Variants in ATP1A1 observed in about 807,000 individuals in gnomAD.
ATP1A1 encodes the protein sodium/potassium-transporting ATPase subunit alpha-1.
ATP1A1 carries 14 observed loss-of-function variants against 114.8 expected under a neutral mutation model. The observed-to-expected ratio is 0.12, with a 90% CI of 0.08 to 0.19. The LOEUF is 0.19. Ranked by LOEUF, ATP1A1 falls within the 10% of genes least tolerant of loss-of-function variation. ATP1A1 has a pLI of 1.00. For synonymous variants in ATP1A1, 471 were observed against 466.3 expected (o/e 1.01, Z -0.13); for missense variants, 524 against 1,290.7 (o/e 0.41, Z 9.10).
chr1:116,382,961 A>G (rs1570947342), intron 1 of ATP1A1, among the ~76,000 whole-genome samples: 1 of 151,988 alleles, frequency 6.6e-6, no homozygotes. Flanking sequence ...CTTCAGGGGG[A>G]GGTGTCTGGA....
At chr1:116,390,536 G>GTTTTTTTTTTTTTTT (rs79640523) in intron 9 of ATP1A1, 125 bp downstream of exon 9, 2 of 583,588 alleles carry the variant, frequency 3.4e-6, no homozygotes, top group African/African-American at 4.4e-5. Context: ...TTTCTTTTTT[G>GTTTTTTTTTTTTTTT]TTTTTTTTTT....
chr1:116,374,583 C>A (rs1651231114), intron 1 of ATP1A1, among the ~76,000 whole-genome samples: 1 of 152,132 alleles, frequency 6.6e-6, no homozygotes, highest in Non-Finnish European at 1.5e-5. Flanking sequence ...ATTTCTGTAG[C>A]GAAGACTTGA....
At chr1:116,394,500 G>A (rs1475313024) in intron 12 of ATP1A1, among the ~76,000 whole-genome samples, 1 of 151,648 alleles carries the variant, frequency 6.6e-6, no homozygotes, top group Non-Finnish European at 1.5e-5. Context: ...CTTCTTTTGA[G>A]TCCACATGGC....
chr1:116,404,660 C>T lies in ATP1A1; in HGVS notation c.*216C>T, dbSNP rs11540958. Reference sequence around the variant, plus strand: ...AACCATCCATCTGTGGAAATGACAGCGGGGAAGGTTTTTATGTGCCTTTTT... The same window carrying T: ...AACCATCCATCTGTGGAAATGACAGTGGGGAAGGTTTTTATGTGCCTTTTT... On this transcript the variant is annotated 3_prime_UTR_variant, in exon 23 of 23. Transcript: ENST00000295598. The surrounding 1 kb of genome is among the most constrained non-coding windows in gnomAD (Gnocchi z 4.8). The T allele has an allele frequency of 1.2e-3, 1,546 of 1,290,958 alleles. 24 individuals carry two copies. The African/African-American group carries it at 0.021, about 18-fold the overall frequency. 80.0% of individuals were successfully genotyped at this position (1,290,958 alleles called of 1,614,324 possible).
At chr1:116,376,598 T>C (rs1337097806) in intron 1 of ATP1A1, among the ~76,000 whole-genome samples, 2 of 152,122 alleles carry the variant, frequency 1.3e-5, no homozygotes, top group Non-Finnish European at 2.9e-5. Context: ...TCTGTACCCT[T>C]TTATAAGGGT....
At position 116,404,446 on chromosome 1, in the gene ATP1A1, C is replaced by A. The variant is rs756967771; in HGVS notation, c.*2C>A. The A allele has an allele frequency of 3.1e-6, 5 of 1,611,758 alleles. No individual in the cohort carries two copies. Among genetic ancestry groups the A allele is most frequent in the Non-Finnish European group, 4.2e-6 (5 of 1,179,276 alleles). Reference sequence around the variant, plus strand: ...GTGGAGAAGGAAACCTACTATTAGCCCCCCGTCCTGCACGCCGTGGAGCAT... The same window carrying A: ...GTGGAGAAGGAAACCTACTATTAGCACCCCGTCCTGCACGCCGTGGAGCAT... On this transcript the variant is annotated 3_prime_UTR_variant, in exon 23 of 23. Coordinates refer to ENST00000295598, the MANE Select transcript of ATP1A1 (RefSeq NM_000701.8). The surrounding 1 kb of genome is among the most constrained non-coding windows in gnomAD (Gnocchi z 4.8).
chr1:116,380,282 T>C (rs945090015), intron 1 of ATP1A1, among the ~76,000 whole-genome samples: 1 of 152,224 alleles, frequency 6.6e-6, no homozygotes, highest in Non-Finnish European at 1.5e-5. Flanking sequence ...GAGGGAATGG[T>C]GGGTCTTGAA....
intron 1 of ATP1A1, among the ~76,000 whole-genome samples, chr1:116,378,288 T>G (rs988003350): frequency 6.6e-6 from 1 of 152,248 alleles, no homozygotes; most frequent in African/African-American, 2.4e-5. Context: ...ACAGTGAATC[T>G]CTTTATCTGG....
rs751968061 is a variant in ATP1A1, at chr1:116,387,322, C to T, written c.218C>T (p.Ala73Val). 1.3e-5 allele frequency: 21 copies of T among 1,614,026 alleles called. No homozygotes were observed. Among genetic ancestry groups the T allele is most frequent in the African/African-American group, 4.0e-5 (3 of 74,910 alleles). The change falls in exon 4 of 23, where the codon GCG becomes GTG. Residue 73 changes from alanine (A) to valine (V), a missense_variant. Ala to Val is a moderately conservative substitution (Grantham distance 64, BLOSUM62 0). Around this residue, in one of 8 missense-constraint regions of ATP1A1, gnomAD observed 141 missense variants for 316.6 expected, o/e 0.45. Transcript: ENST00000295598. The surrounding 1 kb of genome is among the most constrained non-coding windows in gnomAD (Gnocchi z 6.7). ...TCTGCTCGTGCAGCTGAGATCCTGGCGCGAGATGGTCCCAACGCCCTCACT... is the reference window on the plus strand; with the variant it reads ...TCTGCTCGTGCAGCTGAGATCCTGGTGCGAGATGGTCCCAACGCCCTCACT... ...LTSARAAEIL[A>V]RDGPNALTPP...
At chr1:116,378,678 C>G (rs1368873353) in intron 1 of ATP1A1, among the ~76,000 whole-genome samples, 2 of 152,214 alleles carry the variant, frequency 1.3e-5, no homozygotes, top group Non-Finnish European at 2.9e-5. Flanking sequence ...TGTGACATTT[C>G]TTTAGGGCCT....
chr1:116,378,665 T>G (rs1472360948), intron 1 of ATP1A1, among the ~76,000 whole-genome samples: 1 of 152,240 alleles, frequency 6.6e-6, no homozygotes, highest in Non-Finnish European at 1.5e-5. Context: ...TTATTTCAAT[T>G]CATGTGACAT....
Position 116,397,758 on chromosome 1 carries a change from T to C in ATP1A1, c.1974-130T>C. The C allele has an allele frequency of 8.6e-7, 1 of 1,160,468 alleles. No homozygotes were observed. Among genetic ancestry groups the C allele is most frequent in the Non-Finnish European group, 1.2e-6 (1 of 828,662 alleles). The allele number at this position is 1,160,468 out of a possible 1,614,324, so 71.9% of individuals were successfully genotyped here. On this transcript the variant is annotated intron_variant, in intron 14 of 22. Transcript: ENST00000295598. This position sits in a 1 kb window ranked among gnomAD's most constrained non-coding sequence, Gnocchi z 4.2. ...AGTACTGAACACTTAATAGCTTTTA[T>C]GTGCTGGGGAAAATTCCTTCTTTGT...
Position 116,388,508 on chromosome 1 carries a change from A to G in ATP1A1, c.502-130A>G. The G allele has an allele frequency of 7.5e-7, 1 of 1,326,080 alleles. No homozygotes were observed. Among genetic ancestry groups the G allele is most frequent in the Non-Finnish European group, 1.0e-6 (1 of 975,536 alleles). 82.1% of individuals were successfully genotyped at this position (1,326,080 alleles called of 1,614,324 possible). A position where few individuals can be genotyped will look rare whatever the true frequency, so the allele number is the denominator to read the frequency against. On this transcript the variant is annotated intron_variant, in intron 5 of 22. Transcript: ENST00000295598. This position sits in a 1 kb window ranked among gnomAD's most constrained non-coding sequence, Gnocchi z 5.6. ...GAGCAAGCTTTTGTAACTTGTGTAA[A>G]TAAAAAAGTGAATAATATCTTTGTT...
In ATP1A1 at chr1:116,388,784, A is replaced by AT. The variant is rs1239366201; in HGVS notation, c.636+16dup. 6.2e-7 allele frequency: 1 copy of AT among 1,613,958 alleles called. No homozygotes were observed. The highest frequency in any genetic ancestry group is 8.5e-7 in the Non-Finnish European group (1 of 1,179,882). ...CAAATGGCTGCAAGGTAGCTCTTTT[A>AT]TTTTAACAAACCTCATAGCTAGCTC... On this transcript the variant is annotated intron_variant, in intron 6 of 22. Coordinates refer to ENST00000295598, the MANE Select transcript of ATP1A1 (RefSeq NM_000701.8). The surrounding 1 kb of genome is among the most constrained non-coding windows in gnomAD (Gnocchi z 5.6).
chr1:116,396,998 C>T (rs1652985490), intron 14 of ATP1A1, among the ~76,000 whole-genome samples: 1 of 152,154 alleles, frequency 6.6e-6, no homozygotes, highest in Non-Finnish European at 1.5e-5. Flanking sequence ...GGTAAGGATT[C>T]AAGAGGCTTT....
chr1:116,387,140 G>A lies in ATP1A1; in HGVS notation c.184-148G>A. The A allele has an allele frequency of 2.3e-6, 2 of 877,888 alleles. No homozygotes were observed. The highest frequency in any genetic ancestry group is 2.5e-5 in the Admixed American group (1 of 39,268). The allele number at this position is 877,888 out of a possible 1,614,324, so 54.4% of individuals were successfully genotyped here. A position where few individuals can be genotyped will look rare whatever the true frequency, so the allele number is the denominator to read the frequency against. On this transcript the variant is annotated intron_variant, in intron 3 of 22. Transcript: ENST00000295598. This position sits in a 1 kb window ranked among gnomAD's most constrained non-coding sequence, Gnocchi z 6.7. ...CTCATCAGCAGAATTATTCATGGAGGAATTTGCTAGGTTTTACCTTGGCTC... is the reference window on the plus strand; with the variant it reads ...CTCATCAGCAGAATTATTCATGGAGAAATTTGCTAGGTTTTACCTTGGCTC...
In ATP1A1 at chr1:116,396,691, A is replaced by C; in HGVS notation, c.1930A>C (p.Ile644Leu). The C allele has an allele frequency of 1.2e-6, 2 of 1,601,722 alleles. No homozygotes were observed. The highest frequency in any genetic ancestry group is 1.7e-6 in the Non-Finnish European group (2 of 1,172,822). The change falls in exon 14 of 23, where the codon ATT (isoleucine) becomes CTT (leucine). Residue 644 changes from isoleucine to leucine, a missense_variant. Physicochemically the swap from Ile to Leu is conservative, Grantham distance 5. This residue lies in a region of ATP1A1 where 47 missense variants were observed against 79.8 expected (regional missense o/e 0.59). Coordinates refer to ENST00000295598, the MANE Select transcript of ATP1A1 (RefSeq NM_000701.8). ...AGAAGGCAATGAGACCGTGGAAGACATTGCTGCCCGCCTCAACATCCCAGT... is the reference window on the plus strand; with the variant it reads ...AGAAGGCAATGAGACCGTGGAAGACCTTGCTGCCCGCCTCAACATCCCAGT... ...ISEGNETVED[I>L]AARLNIPVSQ...
intron 1 of ATP1A1, among the ~76,000 whole-genome samples, chr1:116,377,015 G>C (rs1651417997): frequency 6.6e-6 from 1 of 152,212 alleles, no homozygotes; most frequent in Non-Finnish European, 1.5e-5. Flanking sequence ...GAACAGATAA[G>C]TGACTTTCCA....
chr1:116,396,275 CCTTT>C (rs1570969758), intron 13 of ATP1A1, among the ~76,000 whole-genome samples: 3 of 126,480 alleles, frequency 2.4e-5, no homozygotes, highest in East Asian at 2.0e-4. Flanking sequence ...AGATTTTTAT[CCTTT>C]TTTTTTTTTT....
Sources: allele counts gnomAD v4.1 joint callset (sites outside exome capture counted in the v4.1 genomes callset), GRCh38; gene constraint gnomAD v4.1.1; regional missense constraint gnomAD v4.1.1; non-coding constraint Gnocchi (gnomAD v3.1); transcripts MANE v1.5; gene names NCBI Gene and HGNC (gene_info 2026-07-23, HGNC 2026-07-21).